Variants in FBXL13 observed in about 807,000 individuals in gnomAD.
FBXL13 encodes the protein F-box and leucine rich repeat protein 13.
In FBXL13, 67 loss-of-function variants were observed where a neutral mutation model predicts 83.6. That is an observed-to-expected ratio of 0.80 (90% confidence interval 0.66 to 0.98). FBXL13 has a LOEUF of 0.98. FBXL13 is among the 50% of genes least tolerant of loss of function. The pLI, the probability that FBXL13 is intolerant of heterozygous loss-of-function variation, is 0.00. For missense variants in FBXL13, 822 were observed against 866.5 expected, an observed-to-expected ratio of 0.95 and a Z score of 0.64; for synonymous variants, 272 against 299.5, an observed-to-expected ratio of 0.91 and a Z score of 0.95.
At chr7:102,835,754 C>T (rs967735725) in intron 17 of FBXL13, among the ~76,000 whole-genome samples, 9 of 145,866 alleles carry the variant, frequency 6.2e-5, no homozygotes, top group Admixed American at 2.0e-4. Context: ...GGACTACAGG[C>T]GCCCGCCACT....
At chr7:103,028,725 G>C (rs747531785) in exon 4 of FBXL13, 1 of 1,598,666 alleles carries the variant, frequency 6.3e-7, no homozygotes, top group South Asian at 1.1e-5. Context: ...ATTTTCATTT[G>C]TACGAGCTAT....
At chr7:102,842,573 A>T (rs1460041204) in intron 17 of FBXL13, among the ~76,000 whole-genome samples, 2 of 152,254 alleles carry the variant, frequency 1.3e-5, no homozygotes, top group Non-Finnish European at 2.9e-5. Flanking sequence ...ATTTAAGATC[A>T]GAAGAGAGTC....
At chr7:102,889,565 C>A (rs554005217) in intron 11 of FBXL13, among the ~76,000 whole-genome samples, 3 of 152,118 alleles carry the variant, frequency 2.0e-5, no homozygotes, top group African/African-American at 7.2e-5. Context: ...TCCCCCAGTC[C>A]CCCACCCTCT....
chr7:102,911,906 G>A (rs1234539650), intron 11 of FBXL13, among the ~76,000 whole-genome samples: 1 of 152,162 alleles, frequency 6.6e-6, no homozygotes, highest in Non-Finnish European at 1.5e-5. Context: ...CCCTAACTTA[G>A]AATCCTCCCC....
intron 11 of FBXL13, among the ~76,000 whole-genome samples, chr7:102,894,779 A>G (rs1812055791): frequency 2.6e-5 from 4 of 151,962 alleles, no homozygotes; most frequent in Admixed American, 2.6e-4. Context: ...TTCATTTTAT[A>G]TTTCATAGCT....
intron 17 of FBXL13, among the ~76,000 whole-genome samples, chr7:102,851,553 T>TTCTCTC (rs10602252): frequency 1.4e-5 from 2 of 143,460 alleles, no homozygotes; most frequent in Non-Finnish European, 3.0e-5. Flanking sequence ...TTCCTTCTTC[T>TTCTCTC]TCTCTCTCTC....
chr7:102,935,843 A>G (rs1428842157), intron 8 of FBXL13, among the ~76,000 whole-genome samples: 35 of 152,258 alleles, frequency 2.3e-4, no homozygotes. Context: ...TCTTCCACTT[A>G]TTTTGGGAAA....
chr7:102,879,928 G>C (rs10435335), intron 14 of FBXL13, among the ~76,000 whole-genome samples: 32,655 of 152,054 alleles, frequency 0.21, 3,923 homozygotes, highest in East Asian at 0.43. Context: ...GGATGGTCTC[G>C]ATCTCCTGAC....
chr7:103,024,140 AG>A (rs1793562131), intron 6 of FBXL13, among the ~76,000 whole-genome samples: 1 of 44,874 alleles, frequency 2.2e-5, no homozygotes, highest in African/African-American at 2.9e-4. Flanking sequence ...TTAAAAAGAG[AG>A]AGAGAGAGAG....
At chr7:102,963,072 A>C (rs184595753) in intron 8 of FBXL13, among the ~76,000 whole-genome samples, 38 of 151,042 alleles carry the variant, frequency 2.5e-4, no homozygotes, top group East Asian at 1.7e-3. Context: ...TAATCCCAGC[A>C]CTTTGGGAGG....
intron 11 of FBXL13, among the ~76,000 whole-genome samples, chr7:102,887,802 A>T (rs1053938508): frequency 2.0e-5 from 3 of 152,246 alleles, no homozygotes; most frequent in Non-Finnish European, 4.4e-5. Context: ...GTTTGACCAA[A>T]CAACTAGGCA....
chr7:102,814,493 A>C (rs1410672816), intron 19 of FBXL13: 2 of 152,238 alleles, frequency 1.3e-5, no homozygotes, highest in Non-Finnish European at 2.9e-5. Context: ...TAACAGTTTA[A>C]AATGCTATTT....
chr7:103,043,482 C>T (rs376184108), intron 2 of FBXL13, among the ~76,000 whole-genome samples: 1 of 152,114 alleles, frequency 6.6e-6, no homozygotes, highest in Non-Finnish European at 1.5e-5. Context: ...TGGGTATATA[C>T]CCAAAGGATT....
intron 11 of FBXL13, among the ~76,000 whole-genome samples, chr7:102,903,943 T>TCTTTTTTC (rs3045671): frequency 7.4e-6 from 1 of 134,308 alleles, no homozygotes. Flanking sequence ...TCTTTTCTTT[T>TCTTTTTTC]TTTTTTTTTT....
chr7:102,957,706 C>T (rs1824510837), intron 8 of FBXL13, among the ~76,000 whole-genome samples: 2 of 151,846 alleles, frequency 1.3e-5, no homozygotes, highest in African/African-American at 4.8e-5. Context: ...ACAAACAAAC[C>T]CATCAAAAAG....
At chr7:102,947,703 T>C (rs1456620063) in intron 8 of FBXL13, among the ~76,000 whole-genome samples, 1 of 152,146 alleles carries the variant, frequency 6.6e-6, no homozygotes, top group Non-Finnish European at 1.5e-5. Flanking sequence ...AAAATCAGTA[T>C]ATTTTACAGT....
intron 7 of FBXL13, among the ~76,000 whole-genome samples, chr7:102,967,098 T>G (rs1826048442): frequency 6.6e-6 from 1 of 151,776 alleles, no homozygotes; most frequent in Non-Finnish European, 1.5e-5. Context: ...GCCTCCCGAG[T>G]AGCTGGGACT....
At chr7:103,041,767 C>T (rs1286564186) in intron 2 of FBXL13, among the ~76,000 whole-genome samples, 2 of 152,262 alleles carry the variant, frequency 1.3e-5, no homozygotes, top group East Asian at 1.9e-4. Context: ...TGACAAAATT[C>T]AACAGCCCTT....
chr7:103,026,179 C>T (rs1455566593), intron 5 of FBXL13, among the ~76,000 whole-genome samples: 2 of 151,918 alleles, frequency 1.3e-5, no homozygotes, highest in Non-Finnish European at 2.9e-5. Context: ...GCTTTTGTCG[C>T]CCAGGCTGGA....
Sources: allele counts gnomAD v4.1 joint callset (sites outside exome capture counted in the v4.1 genomes callset), GRCh38; gene constraint gnomAD v4.1.1; transcripts MANE v1.5; gene names NCBI Gene and HGNC (gene_info 2026-07-23, HGNC 2026-07-21).